UBXN8: variants seen among roughly 807,000 people sequenced by gnomAD.
The protein encoded by UBXN8 is UBX domain protein 8, also known as UBX domain-containing protein 8.
In UBXN8, 27 loss-of-function variants were observed where a neutral mutation model predicts 32.1. The ratio of observed to expected loss-of-function variants is 0.84; its 90% confidence interval spans 0.62 to 1.16. UBXN8 has a LOEUF of 1.16. Among genes scored for constraint, UBXN8 ranks in the 50% most tolerant of loss-of-function variants. The probability of loss-of-function intolerance (pLI) is 0.00; values close to 1 mark genes in which losing one functional copy is unlikely to be tolerated. For missense variants in UBXN8, 306 were observed against 311.4 expected, an observed-to-expected ratio of 0.98 and a Z score of 0.13; for synonymous variants, 109 against 111.8, an observed-to-expected ratio of 0.98 and a Z score of 0.16.
chr8:30,758,139 G>A (rs1191037717), intron 5 of UBXN8, among the ~76,000 whole-genome samples: 3 of 151,982 alleles, frequency 2.0e-5, no homozygotes, highest in South Asian at 4.1e-4. Context: ...CACGTGATCC[G>A]CCCGCCTTGG....
At chr8:30,757,421 A>G (rs892008939) in intron 5 of UBXN8, among the ~76,000 whole-genome samples, 4 of 151,790 alleles carry the variant, frequency 2.6e-5, no homozygotes, top group Non-Finnish European at 5.9e-5. Flanking sequence ...GCGTGGTGGC[A>G]GGCACCTGTA....
intron 1 of UBXN8, among the ~76,000 whole-genome samples, chr8:30,749,745 A>G (rs1270867601): frequency 2.6e-5 from 4 of 151,738 alleles, no homozygotes; most frequent in Admixed American, 6.6e-5. Flanking sequence ...AGCTGGGACT[A>G]CAGGTACCCG....
upstream of UBXN8, among the ~76,000 whole-genome samples, chr8:30,739,457 C>T (rs1033701325): frequency 3.3e-5 from 5 of 152,024 alleles, no homozygotes; most frequent in East Asian, 1.9e-4. Context: ...GGAAGGAGAA[C>T]GGCGTGAACC....
At chr8:30,752,963 A>G in intron 2 of UBXN8, 72 bp from the exon 3 acceptor site, 2 of 1,432,340 alleles carry the variant, frequency 1.4e-6, no homozygotes, top group Non-Finnish European at 1.8e-6. Context: ...CTTTTGATAC[A>G]TTATTTGATT....
chr8:30,752,169 C>T (rs1805537579), intron 2 of UBXN8, among the ~76,000 whole-genome samples: 1 of 152,218 alleles, frequency 6.6e-6, no homozygotes, highest in African/African-American at 2.4e-5. Context: ...GGATCACAGG[C>T]ATGAGACACC....
intron 2 of UBXN8, 77 bp downstream of exon 2, chr8:30,751,595 G>A (rs971722569): frequency 1.7e-6 from 2 of 1,198,220 alleles, no homozygotes; most frequent in Admixed American, 3.2e-5. Context: ...CACAGTAAGA[G>A]CCATTTTACT....
At chr8:30,745,854 C>CGATCA (rs1805346048) in intron 1 of UBXN8, among the ~76,000 whole-genome samples, 1 of 152,182 alleles carries the variant, frequency 6.6e-6, no homozygotes, top group Non-Finnish European at 1.5e-5. Context: ...CTCAAGTGAT[C>CGATCA]CTCCCACCTC....
upstream of UBXN8, among the ~76,000 whole-genome samples, chr8:30,730,723 CTG>C (rs1477643990): frequency 6.6e-6 from 1 of 152,214 alleles, no homozygotes; most frequent in East Asian, 1.9e-4. Context: ...CTACGAGAGA[CTG>C]TGTGAGGCCT....
chr8:30,735,892 C>T (rs1444896048), intron 1 of UBXN8, among the ~76,000 whole-genome samples: 1 of 152,198 alleles, frequency 6.6e-6, no homozygotes, highest in East Asian at 1.9e-4. Context: ...ATTCATATTA[C>T]AACTCTGTGT....
chr8:30,758,524 G>A (rs1805723464), intron 5 of UBXN8, among the ~76,000 whole-genome samples: 1 of 152,204 alleles, frequency 6.6e-6, no homozygotes, highest in Non-Finnish European at 1.5e-5. Flanking sequence ...AAAGCTGGGA[G>A]GCTGTCTATT....
rs772221359 is a variant in UBXN8, at chr8:30,744,186, C to T, written c.-4C>T. The T allele has an allele frequency of 7.4e-6, 12 of 1,612,398 alleles. No individual in the cohort carries two copies. In the East Asian group the frequency reaches 2.0e-4, roughly 27 times the overall value. On this transcript the variant is annotated 5_prime_UTR_variant, in exon 1 of 8. Coordinates refer to ENST00000265616, the MANE Select transcript of UBXN8 (RefSeq NM_005671.4). Reference sequence around the variant, plus strand: ...TTCCGCCTGCACCAGGCGCTTCCGCCACCATGGCTTCACGTGGGGTTGTTG... The same window carrying T: ...TTCCGCCTGCACCAGGCGCTTCCGCTACCATGGCTTCACGTGGGGTTGTTG...
chr8:30,737,617 G>C (rs1805097984), intron 1 of UBXN8, among the ~76,000 whole-genome samples: 1 of 151,818 alleles, frequency 6.6e-6, no homozygotes, highest in Admixed American at 6.6e-5. Context: ...GAGCCCAGAA[G>C]GTCAAGGCTG....
upstream of UBXN8, among the ~76,000 whole-genome samples, chr8:30,739,484 C>G (rs1023280523): frequency 6.6e-6 from 1 of 152,144 alleles, no homozygotes; most frequent in African/African-American, 2.4e-5. Flanking sequence ...GTGGAGTTTG[C>G]AGTAAGCCGA....
intron 6 of UBXN8, among the ~76,000 whole-genome samples, chr8:30,762,444 A>G (rs1805858897): frequency 6.6e-6 from 1 of 152,098 alleles, no homozygotes; most frequent in Non-Finnish European, 1.5e-5. Context: ...CTCAAGCTGG[A>G]GTGCAATGGC....
At chr8:30,756,167 GTC>G (rs1805653616) in intron 4 of UBXN8, 1 of 152,192 alleles carries the variant, frequency 6.6e-6, no homozygotes, top group Non-Finnish European at 1.5e-5. Flanking sequence ...TTGAGACAGA[GTC>G]TCTCTCCATC....
intron 2 of UBXN8, among the ~76,000 whole-genome samples, chr8:30,752,614 T>C (rs1805545589): frequency 6.6e-6 from 1 of 152,136 alleles, no homozygotes. Context: ...CCCAGCCTGT[T>C]TGATTTTTGA....
intron 1 of UBXN8, among the ~76,000 whole-genome samples, chr8:30,735,831 TC>T (rs1469820491): frequency 1.3e-5 from 2 of 152,206 alleles, no homozygotes; most frequent in African/African-American, 4.8e-5. Context: ...AGAGTGAGAC[TC>T]CGTTTCAAAA....
chr8:30,738,485 CCT>C (rs777670305), intron 1 of UBXN8, among the ~76,000 whole-genome samples: 2 of 151,198 alleles, frequency 1.3e-5, no homozygotes, highest in Non-Finnish European at 2.9e-5. Context: ...TGGTGAAACC[CCT>C]GTCTCTACTA....
chr8:30,763,355 A>C lies in UBXN8; in HGVS notation c.645+8A>C, dbSNP rs1805912297. 1 of 1,612,838 alleles carries C rather than the reference A, an allele frequency of 6.2e-7. No individual in the cohort carries two copies. Among genetic ancestry groups the C allele is most frequent in the Non-Finnish European group, 8.5e-7 (1 of 1,178,814 alleles). Reference sequence around the variant, plus strand: ...AAGTCCTACAGCTCACAGGTAAGTGAAGGAATTCACATTTTGAGAAATATC... The same window carrying C: ...AAGTCCTACAGCTCACAGGTAAGTGCAGGAATTCACATTTTGAGAAATATC... On this transcript the variant is annotated splice_region_variant and intron_variant, in intron 7 of 7. Transcript: ENST00000265616.
Sources: allele counts gnomAD v4.1 joint callset (sites outside exome capture counted in the v4.1 genomes callset), GRCh38; gene constraint gnomAD v4.1.1; transcripts MANE v1.5; gene names NCBI Gene and HGNC (gene_info 2026-07-23, HGNC 2026-07-21).